MEGF10: variants seen among roughly 807,000 people sequenced by gnomAD.
The protein encoded by MEGF10 is multiple epidermal growth factor-like domains protein 10.
In MEGF10, 86 loss-of-function variants were observed where a neutral mutation model predicts 147.5. That is an observed-to-expected ratio of 0.58 (90% CI 0.49 to 0.70). The LOEUF (loss-of-function observed/expected upper bound fraction) is 0.70, where lower values mean the gene tolerates loss of function less well. Ranked by LOEUF, MEGF10 falls within the 30% of genes least tolerant of loss-of-function variation. MEGF10 has a pLI of 0.00. For synonymous variants in MEGF10, 478 were observed against 525.5 expected, an observed-to-expected ratio of 0.91 and a Z score of 1.24; for missense variants, 1,329 against 1,487.3, an observed-to-expected ratio of 0.89 and a Z score of 1.75.
the MEGF10 span, among the ~76,000 whole-genome samples, chr5:127,236,705 A>T: frequency 1.3e-5 from 2 of 152,218 alleles, no homozygotes; most frequent in African/African-American, 2.4e-5. Flanking sequence ...ACTCTTTAAG[A>T]TAAAATTTAA....
chr5:127,382,886 CAA>C (rs1346680296), intron 5 of MEGF10, among the ~76,000 whole-genome samples: 1 of 152,086 alleles, frequency 6.6e-6, no homozygotes, highest in African/African-American at 2.4e-5. Flanking sequence ...AATAAAGAAA[CAA>C]GATGTCATTT....
chr5:127,371,450 G>A (rs992365457), intron 5 of MEGF10, among the ~76,000 whole-genome samples: 1 of 152,042 alleles, frequency 6.6e-6, no homozygotes, highest in Non-Finnish European at 1.5e-5. Context: ...AACTTTTCCA[G>A]TTTAAAAATC....
the MEGF10 span, among the ~76,000 whole-genome samples, chr5:127,233,356 C>T: frequency 6.6e-6 from 1 of 152,206 alleles, no homozygotes; most frequent in Non-Finnish European, 1.5e-5. Flanking sequence ...TCCTTTGTTA[C>T]TTCTGCTTCT....
At chr5:127,410,264 A>G (rs1764503013) in intron 8 of MEGF10, 125 bp from the exon 9 acceptor site, 3 of 806,942 alleles carry the variant, frequency 3.7e-6, no homozygotes, top group Non-Finnish European at 6.1e-6. Context: ...TGGGACAATC[A>G]CTAAATAATT....
At chr5:127,430,509 A>C (rs79697217) in intron 13 of MEGF10, among the ~76,000 whole-genome samples, 2,844 of 152,330 alleles carry the variant, frequency 0.019, 54 homozygotes, top group South Asian at 0.079. Context: ...ACACTCTCTT[A>C]GTGATACTTA....
chr5:127,374,380 C>A (rs985523843), intron 5 of MEGF10, among the ~76,000 whole-genome samples: 2 of 152,142 alleles, frequency 1.3e-5, no homozygotes, highest in African/African-American at 4.8e-5. Context: ...GGGCACATAC[C>A]CATTTTTGTA....
intron 5 of MEGF10, among the ~76,000 whole-genome samples, chr5:127,371,852 T>G (rs1431130858): frequency 1.3e-5 from 2 of 152,244 alleles, no homozygotes; most frequent in African/African-American, 4.8e-5. Flanking sequence ...ACTCACGTTT[T>G]GGCTTTATGA....
intron 8 of MEGF10, among the ~76,000 whole-genome samples, chr5:127,404,616 G>A (rs1269541731): frequency 1.3e-5 from 2 of 152,140 alleles, no homozygotes; most frequent in Non-Finnish European, 2.9e-5. Context: ...CAGGCTCACT[G>A]GATGTGTGTG....
At chr5:127,351,409 T>C (rs922487026) in intron 4 of MEGF10, among the ~76,000 whole-genome samples, 18 of 152,210 alleles carry the variant, frequency 1.2e-4, no homozygotes, top group Non-Finnish European at 2.2e-4. Context: ...TTTTCTTGTC[T>C]ATCAATTACA....
At chr5:127,391,106 A>ACACACACG (rs1411508243) in intron 5 of MEGF10, among the ~76,000 whole-genome samples, 2 of 28,474 alleles carry the variant, frequency 7.0e-5, no homozygotes, top group African/African-American at 1.4e-4. Context: ...GCGCGCGCAC[A>ACACACACG]CACACACACA....
chr5:127,363,996 A>G (rs1286924043), intron 4 of MEGF10, among the ~76,000 whole-genome samples: 1 of 152,050 alleles, frequency 6.6e-6, no homozygotes, highest in African/African-American at 2.4e-5. Flanking sequence ...TCCCTGCAAC[A>G]TTATTTCAAA....
Position 127,310,602 on chromosome 5 carries a change from T to G in MEGF10, c.-19+19546T>G, listed in dbSNP as rs1215639380. Among the ~76,000 whole-genome samples the G allele has an allele frequency of 2.0e-5, 3 of 152,166 alleles. No individual in the cohort carries two copies. In the East Asian group the frequency reaches 5.8e-4, roughly 29 times the overall value. Reference sequence around the variant, plus strand: ...TCTGAGATGTCTCTTTTTTACTTGTTTGGAGAGTGGCCTTTTTATTACTTG... The same window carrying G: ...TCTGAGATGTCTCTTTTTTACTTGTGTGGAGAGTGGCCTTTTTATTACTTG... On this transcript the variant is annotated intron_variant, in intron 1 of 24. Transcript: ENST00000503335.
intron 5 of MEGF10, among the ~76,000 whole-genome samples, chr5:127,375,461 A>G (rs1762989965): frequency 6.6e-6 from 1 of 152,166 alleles, no homozygotes; most frequent in Admixed American, 6.5e-5. Flanking sequence ...CCCAAAATGA[A>G]ATCATGATTT....
At chr5:127,252,900 A>T in the MEGF10 span, among the ~76,000 whole-genome samples, 1 of 151,894 alleles carries the variant, frequency 6.6e-6, no homozygotes, top group African/African-American at 2.4e-5. Context: ...GCGCAAAGAC[A>T]TGAATTTTTT....
At chr5:127,246,090 C>A in the MEGF10 span, among the ~76,000 whole-genome samples, 2,510 of 152,276 alleles carry the variant, frequency 0.016, 58 homozygotes, top group East Asian at 0.086. Flanking sequence ...TTTGACCCAG[C>A]AATCCCATTA....
chr5:127,314,194 G>A (rs906886354), intron 1 of MEGF10, among the ~76,000 whole-genome samples: 2 of 152,150 alleles, frequency 1.3e-5, no homozygotes, highest in African/African-American at 4.8e-5. Flanking sequence ...GGGACTCACA[G>A]GATATGATCT....
chr5:127,368,016 CT>C (rs1190436577), intron 4 of MEGF10, among the ~76,000 whole-genome samples: 2 of 152,122 alleles, frequency 1.3e-5, no homozygotes, highest in East Asian at 3.9e-4. Context: ...AGTTTGCTGG[CT>C]TTAGGTATGT....
At chr5:127,340,481 C>A (rs780468765) in intron 3 of MEGF10, 49 bp from the exon 4 acceptor site, 2 of 1,454,318 alleles carry the variant, frequency 1.4e-6, no homozygotes, top group Non-Finnish European at 1.9e-6. Context: ...AAATACTTTG[C>A]TTTTCAGACT....
intron 16 of MEGF10, among the ~76,000 whole-genome samples, chr5:127,437,019 C>T (rs548307624): frequency 6.6e-6 from 1 of 152,308 alleles, no homozygotes; most frequent in East Asian, 1.9e-4. Flanking sequence ...GATGCTTATT[C>T]CCATTCTCTG....
Sources: gnomAD v4.1 joint callset for allele counts (sites outside exome capture counted in the v4.1 genomes callset) on GRCh38, gnomAD v4.1.1 for gene constraint, MANE v1.5 for transcripts, NCBI Gene and HGNC (gene_info 2026-07-23, HGNC 2026-07-21) for gene names.